EEF2K: variants seen among roughly 807,000 people sequenced by gnomAD.
EEF2K encodes eukaryotic elongation factor 2 kinase.
Under a neutral mutation model 93.8 loss-of-function variants are expected in EEF2K, and 70 were observed. That is an observed-to-expected ratio of 0.75 (90% CI 0.62 to 0.91). The LOEUF (loss-of-function observed/expected upper bound fraction) is 0.91, where lower values mean the gene tolerates loss of function less well. Among genes scored for constraint, EEF2K ranks in the 40% least tolerant of loss-of-function variants. EEF2K has a pLI of 0.00. For synonymous variants in EEF2K, 376 were observed against 380.8 expected (o/e 0.99, Z 0.15); for missense variants, 935 against 972.9 (o/e 0.96, Z 0.52).
chr16:22,210,575 CT>C (rs1211059391), intron 1 of EEF2K, among the ~76,000 whole-genome samples: 1 of 152,160 alleles, frequency 6.6e-6, no homozygotes, highest in Non-Finnish European at 1.5e-5. Context: ...ATTGAAAGCT[CT>C]GGATTCAGCC....
rs1253789619 is a variant in EEF2K, at chr16:22,209,818, G to A, written c.-77+3139G>A. ...CTTTTTTGTTGTTGTTTTGAGACAG[G>A]GTCTTGCTCTGTCACCCAGGCTGCG... On this transcript the variant is annotated intron_variant, in intron 1 of 17. Coordinates refer to ENST00000263026, the MANE Select transcript of EEF2K (RefSeq NM_013302.5). Among the ~76,000 whole-genome samples, 13 of 152,094 alleles carry A rather than the reference G, an allele frequency of 8.5e-5. 1 individual carries two copies. Among genetic ancestry groups the A allele is most frequent in the Non-Finnish European group, 2.9e-5 (2 of 68,014 alleles).
At chr16:22,239,091 T>A (rs373929390) in intron 2 of EEF2K, among the ~76,000 whole-genome samples, 2 of 147,132 alleles carry the variant, frequency 1.4e-5, no homozygotes, top group Non-Finnish European at 3.0e-5. Context: ...CTGTGCTTAT[T>A]AAAAAAAAAA....
At position 22,266,668 on chromosome 16, in the gene EEF2K, C is replaced by T. The variant is rs770951807; in HGVS notation, c.1576-20C>T. 2 of 1,596,188 alleles carry T rather than the reference C, an allele frequency of 1.3e-6. No homozygotes were observed. Among genetic ancestry groups the T allele is most frequent in the Admixed American group, 1.7e-5 (1 of 58,930 alleles). On this transcript the variant is annotated intron_variant, in intron 14 of 17. Coordinates refer to ENST00000263026, the MANE Select transcript of EEF2K (RefSeq NM_013302.5). ...TTGGCCCGCCAGACAGCCAGGCCGA[C>T]ACCGTAGTCTGTGTGGCAGGTCCAT...
In EEF2K at chr16:22,288,071, C is replaced by T. The variant is rs1228818776; in HGVS notation, c.*4075C>T. On this transcript the variant is annotated 3_prime_UTR_variant, in exon 18 of 18. Coordinates refer to ENST00000263026, the MANE Select transcript of EEF2K (RefSeq NM_013302.5). ...ATGGCACGTTTTGGCTCACTGCAAC[C>T]TCTGCCTCCCAGGTTCAAGCGATTC... The T allele has an allele frequency of 6.6e-6, 1 of 151,474 alleles. No individual in the cohort carries two copies. The highest frequency in any genetic ancestry group is 1.9e-4 in the East Asian group (1 of 5,164). The allele number at this position is 151,474 out of a possible 1,614,324, so 9.4% of individuals were successfully genotyped here.
At chr16:22,216,124 C>T (rs887382104) in intron 1 of EEF2K, among the ~76,000 whole-genome samples, 2 of 152,142 alleles carry the variant, frequency 1.3e-5, no homozygotes, top group East Asian at 1.9e-4. Flanking sequence ...CCTGGCCATG[C>T]GGCTGTAGAG....
At chr16:22,240,843 C>T (rs1384181787) in intron 2 of EEF2K, among the ~76,000 whole-genome samples, 1 of 152,106 alleles carries the variant, frequency 6.6e-6, no homozygotes, top group Non-Finnish European at 1.5e-5. Flanking sequence ...TCTCTTGCCT[C>T]ACTGCAACCT....
At chr16:22,216,229 A>G (rs1384293798) in intron 1 of EEF2K, among the ~76,000 whole-genome samples, 1 of 152,202 alleles carries the variant, frequency 6.6e-6, no homozygotes, top group Non-Finnish European at 1.5e-5. Flanking sequence ...TCTTCAGAAC[A>G]AGCCAGGTGC....
At chr16:22,262,181 C>G (rs574328122) in intron 11 of EEF2K, among the ~76,000 whole-genome samples, 40 of 152,146 alleles carry the variant, frequency 2.6e-4, no homozygotes, top group Admixed American at 9.2e-4. Context: ...ACCAGATTCG[C>G]TTTCAGAACA....
chr16:22,253,266 G>T (rs2047368403), intron 6 of EEF2K, among the ~76,000 whole-genome samples: 1 of 152,182 alleles, frequency 6.6e-6, no homozygotes, highest in Admixed American at 6.5e-5. Context: ...CCACAGCTGA[G>T]ATCTTCCACA....
At position 22,266,502 on chromosome 16, in the gene EEF2K, TC is replaced by T; in HGVS notation, c.1554del (p.Ile518MetfsTer65). ...AATGCTCTGGACCTCGAAAAGAAAA[TC>T]GGGAAGTCCATTTTGGGGAAGGTAT... ...RLNALDLEKK[I>X]GKSILGKVHL... On this transcript the variant is annotated frameshift_variant, in exon 14 of 18. Transcript: ENST00000263026. LOFTEE classifies it high-confidence loss of function. The T allele has an allele frequency of 6.2e-7, 1 of 1,614,090 alleles. No homozygotes were observed. Among genetic ancestry groups the T allele is most frequent in the Non-Finnish European group, 8.5e-7 (1 of 1,180,012 alleles).
At chr16:22,266,937 A>C in intron 15 of EEF2K, 61 bp downstream of exon 15, 12 of 1,530,618 alleles carry the variant, frequency 7.8e-6, no homozygotes, top group South Asian at 1.3e-5. Context: ...CCTGTGGTTC[A>C]CCTGCCTCCC....
At chr16:22,224,959 A>G (rs574508939) in intron 1 of EEF2K, among the ~76,000 whole-genome samples, 16 of 146,462 alleles carry the variant, frequency 1.1e-4, no homozygotes, top group African/African-American at 3.2e-4. Context: ...GTCTCAGAAG[A>G]AAAAAAAAAA....
intron 10 of EEF2K, 117 bp downstream of exon 10, chr16:22,258,812 C>A: frequency 1.4e-6 from 2 of 1,392,712 alleles, no homozygotes; most frequent in Non-Finnish European, 2.0e-6. Context: ...GGTTCATGGC[C>A]CCAGTGGTTT....
At position 22,257,645 on chromosome 16, in the gene EEF2K, G is replaced by A; in HGVS notation, c.904G>A (p.Val302Ile). Reference sequence around the variant, plus strand: ...AGACACCCCCGCTCTGTCCACAGGTGTCCGCGGGATGGCGCTCTTCTTCTA... The same window carrying A: ...AGACACCCCCGCTCTGTCCACAGGTATCCGCGGGATGGCGCTCTTCTTCTA... The part of the protein sequence containing the change: ...GTDFGDGNLG[V>I]RGMALFFYSH... Residue 302 changes from valine (V) to isoleucine (I), a missense_variant and splice_region_variant, in exon 9 of 18, where the codon GTC (valine) becomes ATC (isoleucine). Coordinates refer to ENST00000263026, the MANE Select transcript of EEF2K (RefSeq NM_013302.5). 1.2e-6 allele frequency: 2 copies of A among 1,612,980 alleles called. No homozygotes were observed. The highest frequency in any genetic ancestry group is 2.2e-5 in the East Asian group (1 of 44,870).
chr16:22,248,147 C>T (rs532290416), intron 3 of EEF2K, among the ~76,000 whole-genome samples: 6 of 152,236 alleles, frequency 3.9e-5, no homozygotes, highest in African/African-American at 9.6e-5. Flanking sequence ...TCACTGTGAC[C>T]TCCGCCTCCC....
intron 2 of EEF2K, among the ~76,000 whole-genome samples, chr16:22,242,850 C>T (rs1333549058): frequency 6.6e-6 from 1 of 151,992 alleles, no homozygotes; most frequent in African/African-American, 2.4e-5. Context: ...GCGGCGTATC[C>T]TTTGGGAGGC....
At position 22,285,451 on chromosome 16, in the gene EEF2K, ATTGTTATTTAATGAGC is replaced by A. The variant is rs1181724019; in HGVS notation, c.*1458_*1473del. ...GTCTCCCCATGGCCAGACAATGGCG[ATTGTTATTTAATGAGC>A]TTTTCCTTTCAATGGAATTCAGCTC... is the stretch of plus-strand genomic sequence containing the variant. On this transcript the variant is annotated 3_prime_UTR_variant, in exon 18 of 18. Coordinates refer to ENST00000263026, the MANE Select transcript of EEF2K (RefSeq NM_013302.5). The A allele has an allele frequency of 1.3e-5, 2 of 152,208 alleles. No homozygotes were observed. Among genetic ancestry groups the A allele is most frequent in the Non-Finnish European group, 2.9e-5 (2 of 68,056 alleles). The allele number at this position is 152,208 out of a possible 1,614,324, so 9.4% of individuals were successfully genotyped here.
intron 2 of EEF2K, among the ~76,000 whole-genome samples, chr16:22,240,419 C>A (rs1312145147): frequency 6.6e-6 from 1 of 152,082 alleles, no homozygotes; most frequent in African/African-American, 2.4e-5. Context: ...TGGCAGAGAA[C>A]TCAGTCATTT....
intron 3 of EEF2K, 104 bp downstream of exon 3, chr16:22,244,834 G>A: frequency 8.4e-7 from 1 of 1,195,976 alleles, no homozygotes; most frequent in Non-Finnish European, 1.2e-6. Flanking sequence ...GGGGAAGGGA[G>A]TAATCATAAC....
Sources: allele counts gnomAD v4.1 joint callset (sites outside exome capture counted in the v4.1 genomes callset), GRCh38; gene constraint gnomAD v4.1.1; transcripts MANE v1.5; gene names NCBI Gene and HGNC (gene_info 2026-07-23, HGNC 2026-07-21).